Variants in GLIS3 observed in about 807,000 individuals in gnomAD.
GLIS3 encodes the protein zinc finger protein GLIS3.
Under a neutral mutation model 78.6 loss-of-function variants are expected in GLIS3, and 53 were observed. The ratio of observed to expected loss-of-function variants is 0.67; its 90% confidence interval spans 0.54 to 0.85. The LOEUF is 0.85. Among genes scored for constraint, GLIS3 ranks in the 40% least tolerant of loss-of-function variants. The pLI is 0.00. For missense variants in GLIS3, 1,703 were observed against 1,231.1 expected, an observed-to-expected ratio of 1.38 and a Z score of -5.74; for synonymous variants, 684 against 509.9, an observed-to-expected ratio of 1.34 and a Z score of -4.60.
chr9:4,116,004 G>C (rs806053), intron 4 of GLIS3, among the ~76,000 whole-genome samples: 79,992 of 152,060 alleles, frequency 0.53, 22,047 homozygotes, highest in African/African-American at 0.68. Flanking sequence ...TTTCACTGAA[G>C]TATTTATATT....
At chr9:3,858,332 A>T (rs1029579961) in intron 8 of GLIS3, among the ~76,000 whole-genome samples, 1 of 152,196 alleles carries the variant, frequency 6.6e-6, no homozygotes, top group Non-Finnish European at 1.5e-5. Flanking sequence ...TATGCTGATT[A>T]AAATCATTCT....
intron 4 of GLIS3, among the ~76,000 whole-genome samples, chr9:4,078,441 G>A (rs546140562): frequency 3.9e-5 from 6 of 152,264 alleles, no homozygotes; most frequent in Non-Finnish European, 8.8e-5. Flanking sequence ...CAAATCTTCT[G>A]ATTCTGTAAC....
intron 7 of GLIS3, among the ~76,000 whole-genome samples, chr9:3,894,262 C>T (rs879649278): frequency 6.6e-6 from 1 of 152,102 alleles, no homozygotes; most frequent in Non-Finnish European, 1.5e-5. Context: ...CATATAGTTA[C>T]GTTGTTTAAT....
the GLIS3 span, among the ~76,000 whole-genome samples, chr9:4,397,446 C>CT: frequency 6.6e-6 from 1 of 151,710 alleles, no homozygotes; most frequent in Non-Finnish European, 1.5e-5. Context: ...GATAGCAGTA[C>CT]AGTCAGAATA....
At chr9:4,010,590 T>G (rs1373908558) in intron 4 of GLIS3, among the ~76,000 whole-genome samples, 1 of 152,128 alleles carries the variant, frequency 6.6e-6, no homozygotes, top group Non-Finnish European at 1.5e-5. Flanking sequence ...AGAACAGACA[T>G]GAAATTTGCC....
chr9:4,221,282 G>A (rs1821311556), intron 2 of GLIS3, among the ~76,000 whole-genome samples: 1 of 152,134 alleles, frequency 6.6e-6, no homozygotes. Flanking sequence ...AAGGGCATAT[G>A]GGAATTCTTT....
intron 4 of GLIS3, among the ~76,000 whole-genome samples, chr9:3,954,514 G>C (rs1473453649): frequency 6.6e-6 from 1 of 152,194 alleles, no homozygotes; most frequent in East Asian, 1.9e-4. Flanking sequence ...AAAAGTACTT[G>C]GATTTTAGTC....
At chr9:4,198,823 G>T (rs7020952) in intron 2 of GLIS3, among the ~76,000 whole-genome samples, 1 of 152,006 alleles carries the variant, frequency 6.6e-6, no homozygotes, top group African/African-American at 2.4e-5. Flanking sequence ...AAAAGGTCAG[G>T]TCACATACAA....
chr9:3,889,128 G>T (rs1322249230), intron 7 of GLIS3, among the ~76,000 whole-genome samples: 1 of 152,166 alleles, frequency 6.6e-6, no homozygotes, highest in Admixed American at 6.5e-5. Flanking sequence ...AATAAAACCA[G>T]GACTGCCCCT....
At chr9:4,326,368 T>C (rs1464474018) in intron 2 of GLIS3, among the ~76,000 whole-genome samples, 2 of 152,238 alleles carry the variant, frequency 1.3e-5, no homozygotes, top group East Asian at 1.9e-4. Context: ...GGAATATTAT[T>C]CAGCCTTCAA....
intron 2 of GLIS3, among the ~76,000 whole-genome samples, chr9:4,174,911 C>T (rs537931401): frequency 2.6e-5 from 4 of 152,062 alleles, no homozygotes; most frequent in Non-Finnish European, 5.9e-5. Context: ...TAGATCTGAC[C>T]GTCTTCACAG....
chr9:4,096,380 T>C (rs1770393), intron 4 of GLIS3, among the ~76,000 whole-genome samples: 45,626 of 152,094 alleles, frequency 0.3, 7,581 homozygotes, highest in African/African-American at 0.44. Flanking sequence ...TCATTTGTAT[T>C]GTTAACTCAT....
At chr9:4,389,655 A>T in the GLIS3 span, among the ~76,000 whole-genome samples, 5 of 152,172 alleles carry the variant, frequency 3.3e-5, no homozygotes, top group African/African-American at 1.2e-4. Context: ...TCTGCCCAAG[A>T]CAATCACATC....
intron 7 of GLIS3, among the ~76,000 whole-genome samples, chr9:3,888,191 T>C (rs1014036275): frequency 1.3e-5 from 2 of 152,118 alleles, no homozygotes; most frequent in African/African-American, 4.8e-5. Flanking sequence ...TACAGAAAGA[T>C]CCCTCACCTT....
At chr9:4,078,062 T>A (rs548433378) in intron 4 of GLIS3, among the ~76,000 whole-genome samples, 1 of 152,188 alleles carries the variant, frequency 6.6e-6, no homozygotes, top group Non-Finnish European at 1.5e-5. Flanking sequence ...AGTCTCTTCA[T>A]TGGACCCTGA....
intron 4 of GLIS3, among the ~76,000 whole-genome samples, chr9:3,991,139 A>G (rs1588404694): frequency 6.6e-6 from 1 of 152,334 alleles, no homozygotes; most frequent in East Asian, 1.9e-4. Flanking sequence ...AGAGAATGTT[A>G]GATAAAAAGG....
intron 9 of GLIS3, among the ~76,000 whole-genome samples, chr9:3,854,929 T>C (rs181286252): frequency 2.6e-5 from 4 of 152,306 alleles, no homozygotes; most frequent in Admixed American, 2.6e-4. Context: ...AATTTGCATA[T>C]TGATTTAGAT....
the GLIS3 span, among the ~76,000 whole-genome samples, chr9:4,389,299 T>A: frequency 1.1e-4 from 17 of 152,338 alleles, no homozygotes; most frequent in African/African-American, 4.1e-4. Context: ...CCTGCCTTCA[T>A]CTAGGTTGCT....
At chr9:4,345,143 A>T (rs1300199482) in intron 2 of GLIS3, among the ~76,000 whole-genome samples, 5 of 152,110 alleles carry the variant, frequency 3.3e-5, no homozygotes, top group African/African-American at 1.2e-4. Context: ...TGCTTACAAG[A>T]TCCTACACAA....
Sources: gnomAD v4.1 joint callset for allele counts (sites outside exome capture counted in the v4.1 genomes callset) on GRCh38, gnomAD v4.1.1 for gene constraint, MANE v1.5 for transcripts, NCBI Gene and HGNC (gene_info 2026-07-23, HGNC 2026-07-21) for gene names.